IGF1: variants seen among roughly 807,000 people sequenced by gnomAD.
IGF1 encodes insulin-like growth factor 1.
Under a neutral mutation model 13.8 loss-of-function variants are expected in IGF1, and 4 were observed. The observed-to-expected ratio is 0.29, with a 90% CI of 0.14 to 0.66. The LOEUF is 0.66. IGF1 is among the 30% of genes least tolerant of loss of function. The pLI, the probability that IGF1 is intolerant of heterozygous loss-of-function variation, is 0.78. For missense variants in IGF1, 124 were observed against 188.5 expected (o/e 0.66, Z 2.00); for synonymous variants, 76 against 72.6 (o/e 1.05, Z -0.23).
At chr12:102,449,192 T>C (rs1878674544) in intron 2 of IGF1, among the ~76,000 whole-genome samples, 2 of 152,136 alleles carry the variant, frequency 1.3e-5, no homozygotes, top group African/African-American at 4.8e-5. Flanking sequence ...ATGTGGCACA[T>C]ATACACCATA....
intron 2 of IGF1, among the ~76,000 whole-genome samples, chr12:102,468,812 G>C (rs539795992): frequency 6.6e-6 from 1 of 152,368 alleles, no homozygotes; most frequent in Non-Finnish European, 1.5e-5. Context: ...AAAGAGCAAA[G>C]CCCTTGCAGG....
intron 2 of IGF1, among the ~76,000 whole-genome samples, chr12:102,450,363 CT>C (rs1878809157): frequency 6.6e-6 from 1 of 152,224 alleles, no homozygotes. Context: ...TTGTATTTGC[CT>C]TTTGGCGCTG....
At chr12:102,423,719 G>A (rs985007887) in intron 2 of IGF1, among the ~76,000 whole-genome samples, 7 of 152,146 alleles carry the variant, frequency 4.6e-5, no homozygotes, top group Admixed American at 3.3e-4. Flanking sequence ...GGGCAAACTT[G>A]CTAGTTACAA....
chr12:102,424,492 C>T (rs1204063141), intron 2 of IGF1, among the ~76,000 whole-genome samples: 1 of 152,112 alleles, frequency 6.6e-6, no homozygotes, highest in Non-Finnish European at 1.5e-5. Context: ...ACTCCAGACA[C>T]ATTGCCAATT....
At chr12:102,413,017 G>T (rs994745457) in intron 3 of IGF1, among the ~76,000 whole-genome samples, 1 of 152,180 alleles carries the variant, frequency 6.6e-6, no homozygotes, top group Admixed American at 6.5e-5. Context: ...TGCAGGTCTG[G>T]AAGTTTTGTG....
chr12:102,441,903 A>ACTGCTG (rs142314979), intron 2 of IGF1, among the ~76,000 whole-genome samples: 504 of 27,308 alleles, frequency 0.018, 32 homozygotes, highest in Admixed American at 0.064. Flanking sequence ...ATTCTATTAC[A>ACTGCTG]CTGCTTCTTC....
chr12:102,425,096 G>A (rs978865275), intron 2 of IGF1, among the ~76,000 whole-genome samples: 2 of 152,190 alleles, frequency 1.3e-5, no homozygotes, highest in African/African-American at 4.8e-5. Context: ...TACCAAAGCT[G>A]CTGTAAAACA....
intron 2 of IGF1, 132 bp from the exon 3 acceptor site, chr12:102,419,822 T>C (rs956635050): frequency 2.4e-6 from 2 of 830,380 alleles, no homozygotes; most frequent in African/African-American, 3.4e-5. Flanking sequence ...TTCTTGAAAC[T>C]TCCCCAATGA....
At chr12:102,426,213 ACT>A (rs2137027021) in intron 2 of IGF1, among the ~76,000 whole-genome samples, 1 of 152,288 alleles carries the variant, frequency 6.6e-6, no homozygotes, top group Admixed American at 6.5e-5. Flanking sequence ...CTGTTTCTTT[ACT>A]GTTAAGCTTT....
chr12:102,412,528 A>G (rs939647079), intron 3 of IGF1, among the ~76,000 whole-genome samples: 3 of 152,182 alleles, frequency 2.0e-5, no homozygotes, highest in African/African-American at 4.8e-5. Context: ...AGCTTGATGC[A>G]CCTTTAGCAT....
rs953561177 is a variant in IGF1 at position 102,475,532 on chromosome 12, G to C, written c.220+111C>G. 8.0e-6 allele frequency: 10 copies of C among 1,244,130 alleles called. No homozygotes were observed. In the African/African-American group the frequency reaches 1.3e-4, roughly 17 times the overall value. The allele number at this position is 1,244,130 out of a possible 1,614,324, so 77.1% of individuals were successfully genotyped here. A position where few individuals can be genotyped will look rare whatever the true frequency, so the allele number is the denominator to read the frequency against. On this transcript the variant is annotated intron_variant, in intron 2 of 3. Coordinates refer to ENST00000337514, the MANE Select transcript of IGF1 (RefSeq NM_000618.5). The stretch of plus-strand genomic sequence containing the variant: ...TGAGGAATCTCAGAGGCCTAGGATG[G>C]CTGCCAGATACGGGCACTCATTCAG...
chr12:102,433,441 C>G (rs537881059), intron 2 of IGF1, among the ~76,000 whole-genome samples: 11 of 152,210 alleles, frequency 7.2e-5, no homozygotes, highest in Non-Finnish European at 1.5e-4. Context: ...TTGTTGAAGT[C>G]TCAGTCTAGC....
chr12:102,424,099 TTAAA>T (rs1220409088), intron 2 of IGF1, among the ~76,000 whole-genome samples: 2 of 152,164 alleles, frequency 1.3e-5, no homozygotes, highest in African/African-American at 4.8e-5. Context: ...GAGTCAGTAT[TTAAA>T]TAATAAAAAA....
chr12:102,470,125 T>C (rs1418899894), intron 2 of IGF1, among the ~76,000 whole-genome samples: 2 of 152,210 alleles, frequency 1.3e-5, no homozygotes, highest in Non-Finnish European at 2.9e-5. Flanking sequence ...CAGGCAATAT[T>C]CTAAGTTAAC....
chr12:102,419,719 G>A (rs781761302), intron 2 of IGF1, 29 bp from the exon 3 acceptor site: 12 of 1,607,166 alleles, frequency 7.5e-6, no homozygotes, highest in Non-Finnish European at 8.5e-6. Flanking sequence ...GTGGCCTCAT[G>A]TTAGGGTGCA....
chr12:102,479,844 A>G (rs542891714), intron 1 of IGF1, among the ~76,000 whole-genome samples: 14 of 152,158 alleles, frequency 9.2e-5, no homozygotes, highest in African/African-American at 3.4e-4. Flanking sequence ...CTAAAATACA[A>G]CCCTTCATAT....
intron 2 of IGF1, among the ~76,000 whole-genome samples, chr12:102,435,656 C>G (rs944104792): frequency 6.6e-6 from 1 of 152,208 alleles, no homozygotes; most frequent in Non-Finnish European, 1.5e-5. Context: ...GGCAAGACTT[C>G]TCCACCCACA....
At chr12:102,412,343 T>C (rs1346154888) in intron 3 of IGF1, among the ~76,000 whole-genome samples, 5 of 152,016 alleles carry the variant, frequency 3.3e-5, no homozygotes, top group Non-Finnish European at 1.5e-5. Flanking sequence ...TGGAAAATAG[T>C]TCCCCCCAGC....
intron 2 of IGF1, among the ~76,000 whole-genome samples, chr12:102,436,156 C>T (rs1877205540): frequency 6.6e-6 from 1 of 152,158 alleles, no homozygotes; most frequent in Non-Finnish European, 1.5e-5. Context: ...AAGTAACAAA[C>T]TGAACTGAAA....
Sources: gnomAD v4.1 joint callset for allele counts (sites outside exome capture counted in the v4.1 genomes callset) on GRCh38, gnomAD v4.1.1 for gene constraint, MANE v1.5 for transcripts, NCBI Gene and HGNC (gene_info 2026-07-23, HGNC 2026-07-21) for gene names.